PLAGL1: variants seen among roughly 807,000 people sequenced by gnomAD.
PLAGL1 encodes the protein PLAG1 like zinc finger 1.
A neutral mutation model predicts 4.6 loss-of-function variants in PLAGL1; 1 was observed. The observed-to-expected ratio is 0.22, with a 90% CI of 0.08 to 1.03. The LOEUF is 1.03. Ranked by LOEUF, PLAGL1 falls within the 50% of genes least tolerant of loss-of-function variation. The pLI, the probability that PLAGL1 is intolerant of heterozygous loss-of-function variation, is 0.58. For missense variants in PLAGL1, 464 were observed against 570.4 expected (o/e 0.81, Z 1.90); for synonymous variants, 240 against 237.8 (o/e 1.01, Z -0.08).
rs1264713796 is a variant in PLAGL1, at chr6:143,990,818, A to G, written c.-583-5644T>C. On this transcript the variant is annotated intron_variant, in intron 1 of 7. Coordinates refer to ENST00000674357, the MANE Select transcript of PLAGL1 (RefSeq NM_001317162.2). The surrounding 1 kb of genome is among the most constrained non-coding windows in gnomAD (Gnocchi z 5.4). ...TTCCTCCCTTGTGTCATGCCGCTGC[A>G]TTATATATCAGACACATTCCTTAGA... Among the ~76,000 whole-genome samples, 1 of 152,184 alleles carries G rather than the reference A, an allele frequency of 6.6e-6. No individual in the cohort carries two copies. Among genetic ancestry groups the G allele is most frequent in the Non-Finnish European group, 1.5e-5 (1 of 68,024 alleles).
Position 144,000,791 on chromosome 6 carries a change from A to G in PLAGL1, c.-584+7299T>C, listed in dbSNP as rs1179521038. 6.6e-6 allele frequency among the ~76,000 whole-genome samples: 1 copy of G among 152,160 alleles called. No homozygotes were observed. Among genetic ancestry groups the G allele is most frequent in the African/African-American group, 2.4e-5 (1 of 41,454 alleles). On this transcript the variant is annotated intron_variant, in intron 1 of 7. Coordinates refer to ENST00000674357, the MANE Select transcript of PLAGL1 (RefSeq NM_001317162.2). This position sits in a 1 kb window ranked among gnomAD's most constrained non-coding sequence, Gnocchi z 4.1. ...ATTTGTTCAGGAAATATGGAGAGCT[A>G]GACATTCTAAAACAAACCTTTTAAT...
Position 143,970,514 on chromosome 6 carries a change from T to C in PLAGL1, c.-543-1536A>G. ...ATAGTTCTGTATTTCAGAATAGCTT[T>C]CTTGCAACTAAATCTAGTGGGTAAG... On this transcript the variant is annotated intron_variant, in intron 2 of 7. Coordinates refer to ENST00000674357, the MANE Select transcript of PLAGL1 (RefSeq NM_001317162.2). This position sits in a 1 kb window ranked among gnomAD's most constrained non-coding sequence, Gnocchi z 5.8. Among the ~76,000 whole-genome samples the C allele has an allele frequency of 6.6e-6, 1 of 152,230 alleles. No individual in the cohort carries two copies. Among genetic ancestry groups the C allele is most frequent in the Non-Finnish European group, 1.5e-5 (1 of 68,036 alleles).
chr6:144,053,733 T>C lies in PLAGL1; in HGVS notation c.-151+10735A>G, dbSNP rs1798745443. 6.6e-6 allele frequency among the ~76,000 whole-genome samples: 1 copy of C among 152,196 alleles called. No homozygotes were observed. On this transcript the variant is annotated intron_variant, in intron 1 of 3. Coordinates refer to the PLAGL1 transcript ENST00000437412. The surrounding 1 kb of genome is among the most constrained non-coding windows in gnomAD (Gnocchi z 4.0). ...ATCAGCTGTCTTCCTCATCCTCTAGTAACTATGTCAGGCCAGTTACTGATC... is the reference window on the plus strand; with the variant it reads ...ATCAGCTGTCTTCCTCATCCTCTAGCAACTATGTCAGGCCAGTTACTGATC...
In PLAGL1 at chr6:143,954,463, A is replaced by C. The variant is rs1024145356; in HGVS notation, c.-324-6003T>G. 6.6e-6 allele frequency among the ~76,000 whole-genome samples: 1 copy of C among 152,226 alleles called. No individual in the cohort carries two copies. Among genetic ancestry groups the C allele is most frequent in the Non-Finnish European group, 1.5e-5 (1 of 68,034 alleles). Reference sequence around the variant, plus strand: ...AGGGGCTGGGACAGGCATTTGAGTCAAACTTGCAAGGGGAACACTTGAGAA... The same window carrying C: ...AGGGGCTGGGACAGGCATTTGAGTCCAACTTGCAAGGGGAACACTTGAGAA... On this transcript the variant is annotated intron_variant, in intron 6 of 7. Transcript: ENST00000674357. The surrounding 1 kb of genome is among the most constrained non-coding windows in gnomAD (Gnocchi z 5.1).
Position 143,977,751 on chromosome 6 carries a change from C to T in PLAGL1, c.-544+7384G>A, listed in dbSNP as rs1199060618. Among the ~76,000 whole-genome samples, 3 of 152,038 alleles carry T rather than the reference C, an allele frequency of 2.0e-5. 1 individual carries two copies. The highest frequency in any genetic ancestry group is 2.0e-4 in the Admixed American group (3 of 15,244). ...CCAACTTTCAGTGATCCACCCATCTCGGCCTCCAAAGGTGCTGGGGTTATA... is the reference window on the plus strand; with the variant it reads ...CCAACTTTCAGTGATCCACCCATCTTGGCCTCCAAAGGTGCTGGGGTTATA... On this transcript the variant is annotated intron_variant, in intron 2 of 7. Coordinates refer to ENST00000674357, the MANE Select transcript of PLAGL1 (RefSeq NM_001317162.2).
intron 7 of PLAGL1, among the ~76,000 whole-genome samples, chr6:143,946,444 C>G (rs1418511824): frequency 6.6e-6 from 1 of 152,226 alleles, no homozygotes; most frequent in African/African-American, 2.4e-5. Flanking sequence ...AAACAGGGAG[C>G]CTCTGCAACA....
rs893267204 is a variant in PLAGL1, at chr6:143,959,641, C to T, written c.-325+828G>A. The stretch of plus-strand genomic sequence containing the variant: ...ATTCCAATAATTTCCATCTCATAGC[C>T]CTAAGAGATAGGTAGAAGGGCATCA... On this transcript the variant is annotated intron_variant, in intron 6 of 7. Transcript: ENST00000674357. This position sits in a 1 kb window ranked among gnomAD's most constrained non-coding sequence, Gnocchi z 5.3. Among the ~76,000 whole-genome samples, 10 of 152,096 alleles carry T rather than the reference C, an allele frequency of 6.6e-5. No individual in the cohort carries two copies. The highest frequency in any genetic ancestry group is 1.0e-4 in the Non-Finnish European group (7 of 68,016).
Position 143,959,072 on chromosome 6 carries a change from C to A in PLAGL1, c.-325+1397G>T, listed in dbSNP as rs745936932. Among the ~76,000 whole-genome samples, 18 of 152,236 alleles carry A rather than the reference C, an allele frequency of 1.2e-4. No individual in the cohort carries two copies. Among genetic ancestry groups the A allele is most frequent in the Non-Finnish European group, 2.5e-4 (17 of 68,028 alleles). ...CCCCAGCTCATCCGCAGGCAGCTTTCATGTGCTGCTCTGCGCTCCCCGTCG... is the reference window on the plus strand; with the variant it reads ...CCCCAGCTCATCCGCAGGCAGCTTTAATGTGCTGCTCTGCGCTCCCCGTCG... On this transcript the variant is annotated intron_variant, in intron 6 of 7. Transcript: ENST00000674357. The surrounding 1 kb of genome is among the most constrained non-coding windows in gnomAD (Gnocchi z 5.3).
chr6:143,949,575 G>A lies in PLAGL1; in HGVS notation c.-324-1115C>T, dbSNP rs1780582049. ...CACTACCTGCCAGGGTAAAGCCCTG[G>A]ATCACTACCACCCTGTGCTATTCTA... On this transcript the variant is annotated intron_variant, in intron 6 of 7. Transcript: ENST00000674357. The surrounding 1 kb of genome is among the most constrained non-coding windows in gnomAD (Gnocchi z 5.3). Among the ~76,000 whole-genome samples, 1 of 152,174 alleles carries A rather than the reference G, an allele frequency of 6.6e-6. No individual in the cohort carries two copies. The highest frequency in any genetic ancestry group is 2.4e-5 in the African/African-American group (1 of 41,432).
intron 7 of PLAGL1, among the ~76,000 whole-genome samples, chr6:143,946,402 T>C (rs988766969): frequency 3.3e-5 from 5 of 152,190 alleles, no homozygotes; most frequent in Non-Finnish European, 5.9e-5. Context: ...GTAAGGACGC[T>C]TACCCTCCGC....
chr6:143,999,266 T>C (rs191696986), intron 1 of PLAGL1, among the ~76,000 whole-genome samples: 29 of 152,272 alleles, frequency 1.9e-4, no homozygotes, highest in African/African-American at 6.7e-4. Flanking sequence ...TGCCTTCAAC[T>C]TCAGGATTGA....
At chr6:143,988,941 C>T (rs1427537167) in intron 1 of PLAGL1, among the ~76,000 whole-genome samples, 2 of 152,174 alleles carry the variant, frequency 1.3e-5, no homozygotes, top group African/African-American at 4.8e-5. Flanking sequence ...GGGACACACA[C>T]ATTCAGTTCA....
rs1442199409 is a variant in PLAGL1, at chr6:143,973,964, C to G, written c.-543-4986G>C. On this transcript the variant is annotated intron_variant, in intron 2 of 7. Transcript: ENST00000674357. The surrounding 1 kb of genome is among the most constrained non-coding windows in gnomAD (Gnocchi z 6.2). ...AGAGATATAACAGGTTTTTTTGGAT[C>G]CAGGTAATCACCCAAACTGGGTAAT... Among the ~76,000 whole-genome samples the G allele has an allele frequency of 6.6e-6, 1 of 152,068 alleles. No homozygotes were observed. Among genetic ancestry groups the G allele is most frequent in the Non-Finnish European group, 1.5e-5 (1 of 68,000 alleles).
Position 144,006,639 on chromosome 6 carries a change from C to T in PLAGL1, c.-584+1451G>A, listed in dbSNP as rs1405319653. On this transcript the variant is annotated intron_variant, in intron 1 of 7. Transcript: ENST00000674357. The surrounding 1 kb of genome is among the most constrained non-coding windows in gnomAD (Gnocchi z 4.3). Reference sequence around the variant, plus strand: ...TTGAAACACAAAAATACTTCATTGGCCACTGTACAGTGTGCCCTTTTTATG... The same window carrying T: ...TTGAAACACAAAAATACTTCATTGGTCACTGTACAGTGTGCCCTTTTTATG... 1 of 151,998 alleles carries T rather than the reference C, an allele frequency of 6.6e-6. No homozygotes were observed. Among genetic ancestry groups the T allele is most frequent in the Non-Finnish European group, 1.5e-5 (1 of 68,020 alleles). 9.4% of individuals were successfully genotyped at this position (151,998 alleles called of 1,614,324 possible). A position where few individuals can be genotyped will look rare whatever the true frequency, so the allele number is the denominator to read the frequency against.
In PLAGL1 at chr6:143,957,984, A is replaced by G. The variant is rs1356032551; in HGVS notation, c.-325+2485T>C. Reference sequence around the variant, plus strand: ...TACCCGGTTGACAAATGGAGGAGGCATATTGCAGAGGCAGAGGGGAGAACA... The same window carrying G: ...TACCCGGTTGACAAATGGAGGAGGCGTATTGCAGAGGCAGAGGGGAGAACA... On this transcript the variant is annotated intron_variant, in intron 6 of 7. Coordinates refer to ENST00000674357, the MANE Select transcript of PLAGL1 (RefSeq NM_001317162.2). The surrounding 1 kb of genome is among the most constrained non-coding windows in gnomAD (Gnocchi z 4.2). 2.0e-5 allele frequency among the ~76,000 whole-genome samples: 3 copies of G among 152,218 alleles called. No individual in the cohort carries two copies. The highest frequency in any genetic ancestry group is 7.2e-5 in the African/African-American group (3 of 41,460).
chr6:144,045,000 C>CATTTTT (rs1798022580), intron 1 of PLAGL1, among the ~76,000 whole-genome samples: 1 of 47,322 alleles, frequency 2.1e-5, no homozygotes, highest in Non-Finnish European at 3.9e-5. Context: ...GCAACCCCTG[C>CATTTTT]TTTTTTTTTT....
rs976491645 is a variant in PLAGL1, at chr6:144,016,697, A to G, written c.-150-47719T>C. On this transcript the variant is annotated intron_variant, in intron 1 of 3. Transcript: ENST00000437412. The surrounding 1 kb of genome is among the most constrained non-coding windows in gnomAD (Gnocchi z 4.2). ...TAAGAAGATTGCATTGGGGCTATGTATTTGTCATACTGCACTGAATGATAC... is the reference window on the plus strand; with the variant it reads ...TAAGAAGATTGCATTGGGGCTATGTGTTTGTCATACTGCACTGAATGATAC... Among the ~76,000 whole-genome samples the G allele has an allele frequency of 2.6e-5, 4 of 152,224 alleles. No individual in the cohort carries two copies. Among genetic ancestry groups the G allele is most frequent in the African/African-American group, 9.6e-5 (4 of 41,464 alleles).
chr6:144,022,469 T>C lies in PLAGL1; in HGVS notation c.-151+41999A>G, dbSNP rs544202698. On this transcript the variant is annotated intron_variant, in intron 1 of 3. Coordinates refer to the PLAGL1 transcript ENST00000437412. This position sits in a 1 kb window ranked among gnomAD's most constrained non-coding sequence, Gnocchi z 4.2. ...ATGGTACAGCCACTTTGGAAGACAG[T>C]TTGGCAATTTATTACAAAGCTAAAC... 5.3e-5 allele frequency among the ~76,000 whole-genome samples: 8 copies of C among 152,334 alleles called. No homozygotes were observed. The South Asian group carries it at 1.7e-3, about 32-fold the overall frequency.
intron 1 of PLAGL1, among the ~76,000 whole-genome samples, chr6:144,062,470 C>CAAAAA (rs543521128): frequency 2.1e-4 from 16 of 75,696 alleles, no homozygotes; most frequent in Non-Finnish European, 2.7e-4. Context: ...GTTATCAGAC[C>CAAAAA]AAAAAAAAAA....
Sources: gnomAD v4.1 joint callset for allele counts (sites outside exome capture counted in the v4.1 genomes callset) on GRCh38, gnomAD v4.1.1 for gene constraint, Gnocchi (gnomAD v3.1) non-coding constraint, MANE v1.5 for transcripts, NCBI Gene and HGNC (gene_info 2026-07-23, HGNC 2026-07-21) for gene names.